The following ANKRD16 variants were observed in gnomAD, a reference collection of about 807,000 sequenced individuals.
The protein encoded by ANKRD16 is ankyrin repeat domain 16, also known as ankyrin repeat domain-containing protein 16.
In ANKRD16, 35 loss-of-function variants were observed where a neutral mutation model predicts 37.9. That is an observed-to-expected ratio of 0.92 (90% CI 0.71 to 1.23). The LOEUF is 1.23. Ranked by LOEUF, ANKRD16 falls within the 50% of genes most tolerant of loss-of-function variation. The probability of loss-of-function intolerance (pLI) is 0.00; values close to 1 mark genes in which losing one functional copy is unlikely to be tolerated. For synonymous variants in ANKRD16, 206 were observed against 197.2 expected, an observed-to-expected ratio of 1.04 and a Z score of -0.37; for missense variants, 480 against 469.9, an observed-to-expected ratio of 1.02 and a Z score of -0.20.
rs972779279 is a variant in ANKRD16, at chr10:5,869,227, C to T, written c.*34-6536G>A. ...CGAGGGATGTGTTTATTGCCTTGGC[C>T]GTGGTGATAGTTTCCTGGGAGCACA... On this transcript the variant is annotated intron_variant, in intron 7 of 7. Transcript: ENST00000380094. The surrounding 1 kb of genome is among the most constrained non-coding windows in gnomAD (Gnocchi z 4.0). 4.6e-5 allele frequency among the ~76,000 whole-genome samples: 7 copies of T among 152,044 alleles called. No individual in the cohort carries two copies. The highest frequency in any genetic ancestry group is 9.7e-5 in the African/African-American group (4 of 41,356).
In ANKRD16 at chr10:5,878,100, G is replaced by A. The variant is rs1842212600; in HGVS notation, c.*30C>T. 2 of 1,602,974 alleles carry A rather than the reference G, an allele frequency of 1.2e-6. No homozygotes were observed. The highest frequency in any genetic ancestry group is 1.7e-6 in the Non-Finnish European group (2 of 1,174,160). On this transcript the variant is annotated 3_prime_UTR_variant, in exon 7 of 8. Coordinates refer to ENST00000380094, the MANE Select transcript of ANKRD16 (RefSeq NM_019046.3). The surrounding 1 kb of genome is among the most constrained non-coding windows in gnomAD (Gnocchi z 5.1). The stretch of plus-strand genomic sequence containing the variant: ...TAAGAAGCAGGATATGAATTACCAT[G>A]CACTTTATTGCCTCCTCTTGGAAAC...
intron 7 of ANKRD16, among the ~76,000 whole-genome samples, chr10:5,867,363 A>C (rs556844129): frequency 1.3e-5 from 2 of 152,272 alleles, no homozygotes; most frequent in Non-Finnish European, 2.9e-5. Context: ...GTAAGTGATA[A>C]GGAAACTCTT....
Position 5,864,644 on chromosome 10 carries a change from C to T in ANKRD16, c.*34-1953G>A, listed in dbSNP as rs375967869. 7.9e-5 allele frequency among the ~76,000 whole-genome samples: 12 copies of T among 152,048 alleles called. No individual in the cohort carries two copies. In the East Asian group the frequency reaches 1.5e-3, roughly 20 times the overall value. On this transcript the variant is annotated intron_variant, in intron 7 of 7. Coordinates refer to ENST00000380094, the MANE Select transcript of ANKRD16 (RefSeq NM_019046.3). This position sits in a 1 kb window ranked among gnomAD's most constrained non-coding sequence, Gnocchi z 4.4. The stretch of plus-strand genomic sequence containing the variant: ...CCTGGAATCTTAGTCAAGTAAATGA[C>T]AGAATGACAGCCGAAGAAAGGGACA...
chr10:5,864,053 G>T lies in ANKRD16; in HGVS notation c.*34-1362C>A, dbSNP rs1466892402. On this transcript the variant is annotated intron_variant, in intron 7 of 7. Transcript: ENST00000380094. The surrounding 1 kb of genome is among the most constrained non-coding windows in gnomAD (Gnocchi z 4.4). ...GGCCCCAATATTCTCTCTCTGATGG[G>T]GAAAAATGGCCACCTGAGGGAAGTA... Among the ~76,000 whole-genome samples the T allele has an allele frequency of 6.6e-6, 1 of 152,032 alleles. No homozygotes were observed. The highest frequency in any genetic ancestry group is 1.9e-4 in the East Asian group (1 of 5,194).
chr10:5,887,001 G>T (rs979846893), intron 2 of ANKRD16, among the ~76,000 whole-genome samples: 20 of 152,278 alleles, frequency 1.3e-4, no homozygotes, highest in African/African-American at 3.4e-4. Flanking sequence ...AAGGCTATGA[G>T]GATATATATT....
chr10:5,881,441 TATATATA>T (rs1564417898), intron 5 of ANKRD16, among the ~76,000 whole-genome samples: 273 of 21,276 alleles, frequency 0.013, 4 homozygotes, highest in African/African-American at 0.043. Context: ...ATATTATTTA[TATATATA>T]TATATATATA....
intron 5 of ANKRD16, 189 bp downstream of exon 5, chr10:5,882,817 G>T: frequency 1.8e-6 from 1 of 561,688 alleles, no homozygotes; most frequent in Non-Finnish European, 2.9e-6. Flanking sequence ...GTTTTGTCTA[G>T]CAACAAATTC....
At position 5,878,960 on chromosome 10, in the gene ANKRD16, C is replaced by T. The variant is rs142646923; in HGVS notation, c.929-673G>A. On this transcript the variant is annotated intron_variant, in intron 6 of 7. Transcript: ENST00000380094. This position sits in a 1 kb window ranked among gnomAD's most constrained non-coding sequence, Gnocchi z 5.1. ...ATTTGCTTTGTAAGTAAAAATATCA[C>T]CACAAATAATCACGTAGCCAAAAAA... Among the ~76,000 whole-genome samples, 1,138 of 152,254 alleles carry T rather than the reference C, an allele frequency of 7.5e-3. 13 individuals are homozygous for T. The highest frequency in any genetic ancestry group is 0.026 in the African/African-American group (1,088 of 41,546).
In ANKRD16 at chr10:5,869,594, C is replaced by T. The variant is rs1285246920; in HGVS notation, c.*34-6903G>A. Among the ~76,000 whole-genome samples the T allele has an allele frequency of 6.6e-6, 1 of 152,112 alleles. No individual in the cohort carries two copies. The highest frequency in any genetic ancestry group is 6.5e-5 in the Admixed American group (1 of 15,276). On this transcript the variant is annotated intron_variant, in intron 7 of 7. Transcript: ENST00000380094. This position sits in a 1 kb window ranked among gnomAD's most constrained non-coding sequence, Gnocchi z 4.0. Reference sequence around the variant, plus strand: ...GCACCTAGAAGACAGCTTGGTGTTTCCCAGCACCAAGGGCCCCAGCTCCTG... The same window carrying T: ...GCACCTAGAAGACAGCTTGGTGTTTTCCAGCACCAAGGGCCCCAGCTCCTG...
chr10:5,872,542 AT>A (rs1412576066), intron 7 of ANKRD16, among the ~76,000 whole-genome samples: 6 of 152,032 alleles, frequency 3.9e-5, no homozygotes, highest in Admixed American at 2.6e-4. Context: ...AACCGTATGC[AT>A]TTTATTTATT....
chr10:5,862,853 TGGAA>T lies in ANKRD16; in HGVS notation c.*34-166_*34-163del, dbSNP rs528264245. ...AGAGAGGGAGAGTCCCATGCGCAGTTGGAAGGGAGAAGGGAAGGGGAGGCTGGCG... is the reference window on the plus strand; with the variant it reads ...AGAGAGGGAGAGTCCCATGCGCAGTTGGGAGAAGGGAAGGGGAGGCTGGCG... On this transcript the variant is annotated intron_variant, in intron 7 of 7. Coordinates refer to ENST00000380094, the MANE Select transcript of ANKRD16 (RefSeq NM_019046.3). This position sits in a 1 kb window ranked among gnomAD's most constrained non-coding sequence, Gnocchi z 6.5. Among the ~76,000 whole-genome samples, 124 of 152,154 alleles carry T rather than the reference TGGAA, an allele frequency of 8.1e-4. No homozygotes were observed. Among genetic ancestry groups the T allele is most frequent in the African/African-American group, 2.9e-3 (120 of 41,482 alleles).
Position 5,869,602 on chromosome 10 carries a change from C to A in ANKRD16, c.*34-6911G>T, listed in dbSNP as rs370275005. 6.6e-6 allele frequency among the ~76,000 whole-genome samples: 1 copy of A among 152,116 alleles called. No individual in the cohort carries two copies. The highest frequency in any genetic ancestry group is 2.4e-5 in the African/African-American group (1 of 41,414). On this transcript the variant is annotated intron_variant, in intron 7 of 7. Transcript: ENST00000380094. This position sits in a 1 kb window ranked among gnomAD's most constrained non-coding sequence, Gnocchi z 4.0. ...AAGACAGCTTGGTGTTTCCCAGCAC[C>A]AAGGGCCCCAGCTCCTGCTCAGCAC...
intron 4 of ANKRD16, among the ~76,000 whole-genome samples, 177 bp downstream of exon 4, chr10:5,883,792 C>T (rs1166826486): frequency 6.6e-6 from 1 of 152,204 alleles, no homozygotes; most frequent in African/African-American, 2.4e-5. Context: ...AACTACATTT[C>T]TCTCCATTTT....
chr10:5,872,617 C>G (rs995360683), intron 7 of ANKRD16, among the ~76,000 whole-genome samples: 1 of 149,462 alleles, frequency 6.7e-6, no homozygotes, highest in Admixed American at 6.6e-5. Context: ...AGTGCAGTGG[C>G]GCGATCTCAG....
rs1203191568 is a variant in ANKRD16 at position 5,866,539 on chromosome 10, T to G, written c.*34-3848A>C. On this transcript the variant is annotated intron_variant, in intron 7 of 7. Coordinates refer to ENST00000380094, the MANE Select transcript of ANKRD16 (RefSeq NM_019046.3). This position sits in a 1 kb window ranked among gnomAD's most constrained non-coding sequence, Gnocchi z 4.3. ...ATGTGTATACAGATAGCAAGTATGC[T>G]TATCTAATCCTACATGCCCATGCTG... 6.6e-6 allele frequency among the ~76,000 whole-genome samples: 1 copy of G among 152,248 alleles called. No homozygotes were observed. The highest frequency in any genetic ancestry group is 6.5e-5 in the Admixed American group (1 of 15,278).
intron 5 of ANKRD16, among the ~76,000 whole-genome samples, chr10:5,881,438 TTATATATATATA>T (rs869185709): frequency 0.025 from 1,264 of 50,950 alleles, 37 homozygotes; most frequent in East Asian, 0.087. Flanking sequence ...AAAATATTAT[TTATATATATATA>T]TATATATATA....
At position 5,866,886 on chromosome 10, in the gene ANKRD16, A is replaced by G. The variant is rs1842022822; in HGVS notation, c.*34-4195T>C. 6.6e-6 allele frequency among the ~76,000 whole-genome samples: 1 copy of G among 152,110 alleles called. No individual in the cohort carries two copies. The highest frequency in any genetic ancestry group is 1.5e-5 in the Non-Finnish European group (1 of 68,012). ...GTCAAAGAGAGAAGGAGAGAGAGGA[A>G]GAGACAGACAAAGAAGAGTCAGAGA... On this transcript the variant is annotated intron_variant, in intron 7 of 7. Coordinates refer to ENST00000380094, the MANE Select transcript of ANKRD16 (RefSeq NM_019046.3). This position sits in a 1 kb window ranked among gnomAD's most constrained non-coding sequence, Gnocchi z 4.3.
rs148444605 is a variant in ANKRD16, at chr10:5,866,365, T to C, written c.*34-3674A>G. ...TATACTGATGAAAGTTCATTTGTGG[T>C]GGAGAATTGGATACGAAGGGCAGGT... On this transcript the variant is annotated intron_variant, in intron 7 of 7. Coordinates refer to ENST00000380094, the MANE Select transcript of ANKRD16 (RefSeq NM_019046.3). This position sits in a 1 kb window ranked among gnomAD's most constrained non-coding sequence, Gnocchi z 4.3. Among the ~76,000 whole-genome samples, 540 of 152,304 alleles carry C rather than the reference T, an allele frequency of 3.5e-3. 4 individuals are homozygous for C. The highest frequency in any genetic ancestry group is 0.012 in the African/African-American group (510 of 41,564).
intron 7 of ANKRD16, among the ~76,000 whole-genome samples, chr10:5,873,960 G>A (rs1162801542): frequency 3.3e-5 from 5 of 151,450 alleles, no homozygotes; most frequent in East Asian, 3.9e-4. Flanking sequence ...TGGTGATCTT[G>A]GTTCACTGCA....
Sources: allele counts gnomAD v4.1 joint callset (sites outside exome capture counted in the v4.1 genomes callset), GRCh38; gene constraint gnomAD v4.1.1; non-coding constraint Gnocchi (gnomAD v3.1); transcripts MANE v1.5; gene names NCBI Gene and HGNC (gene_info 2026-07-23, HGNC 2026-07-21).